Variants in PDZD7 observed in about 807,000 individuals in gnomAD.
The protein encoded by PDZD7 is PDZ domain-containing protein 7.
In PDZD7, 72 loss-of-function variants were observed where a neutral mutation model predicts 84.7. The ratio of observed to expected loss-of-function variants is 0.85; its 90% CI spans 0.70 to 1.03. The LOEUF (loss-of-function observed/expected upper bound fraction) is 1.03, where lower values mean the gene tolerates loss of function less well. PDZD7 is among the 50% of genes least tolerant of loss of function. PDZD7 has a pLI of 0.00. For missense variants in PDZD7, 1,490 were observed against 1,412.9 expected, an observed-to-expected ratio of 1.05 and a Z score of -0.87; for synonymous variants, 594 against 580.7, an observed-to-expected ratio of 1.02 and a Z score of -0.33.
chr10:101,024,154 G>T, intron 2 of PDZD7, 86 bp from the exon 3 acceptor site: 1 of 1,601,002 alleles, frequency 6.2e-7, no homozygotes, highest in South Asian at 1.1e-5. Context: ...GCCTGCAAAG[G>T]CTAGGTTGCT....
rs10637176 is a variant in PDZD7 at position 101,011,050 on chromosome 10, C to CTTAT, written c.2006-171_2006-168dup. Reference sequence around the variant, plus strand: ...AGACAGACATGTTCTATTAGAATCGCTTATTTATTTATTTGAGATGGAATC... The same window carrying CTTAT: ...AGACAGACATGTTCTATTAGAATCGCTTATTTATTTATTTATTTGAGATGGAATC... On this transcript the variant is annotated intron_variant, in intron 14 of 16. Transcript: ENST00000619208. The CTTAT allele has an allele frequency of 0.85, 1,155,927 of 1,354,384 alleles. 494,419 individuals carry two copies. Among genetic ancestry groups the CTTAT allele is most frequent in the Non-Finnish European group, 0.88 (909,656 of 1,038,774 alleles). 83.9% of individuals were successfully genotyped at this position (1,354,384 alleles called of 1,614,324 possible). A position where few individuals can be genotyped will look rare whatever the true frequency, so the allele number is the denominator to read the frequency against.
chr10:101,010,840 C>A lies in PDZD7; in HGVS notation c.2049G>T (p.Pro683=). 1 of 1,534,706 alleles carries A rather than the reference C, an allele frequency of 6.5e-7. No individual in the cohort carries two copies. The highest frequency in any genetic ancestry group is 8.7e-7 in the Non-Finnish European group (1 of 1,146,902). ...TCAGCTCCCCATTATCTTCCTCTTC[C>A]GGGAAGCCGTTCACCGGCAGCAGGT... The part of the protein sequence containing the change: ...GFYLLPVNGF[P]EEEDNGELRE... The change falls in exon 15 of 17, where the codon CCG becomes CCT. Residue 683 remains proline (P), a synonymous_variant. Transcript: ENST00000619208.
intron 7 of PDZD7, among the ~76,000 whole-genome samples, chr10:101,020,248 C>T (rs565087807): frequency 3.9e-5 from 6 of 152,120 alleles, no homozygotes; most frequent in Non-Finnish European, 7.3e-5. Context: ...GCTGGGATTA[C>T]AGGCATGGGC....
In PDZD7 at chr10:101,022,279, A is replaced by G. The variant is rs778376822; in HGVS notation, c.649T>C (p.Ser217Pro). The change falls in exon 5 of 17, where the codon TCC becomes CCC. Residue 217 changes from serine to proline, a missense_variant. Ser to Pro is a moderately conservative substitution (Grantham distance 74, BLOSUM62 -1). Transcript: ENST00000619208. ...VRRIVHLYTTSDDFCLGFNIR... is the reference protein window; with the variant it reads ...VRRIVHLYTTPDDFCLGFNIR... ...TTGAAGCCCAGGCAGAAGTCGTCGG[A>G]GGTTGTGTATAGGTGGACGATGCGC... 3.1e-6 allele frequency: 5 copies of G among 1,614,182 alleles called. No homozygotes were observed. The Admixed American group carries it at 6.7e-5, about 22-fold the overall frequency.
At chr10:101,015,052 C>T (rs1365328013) in intron 11 of PDZD7, among the ~76,000 whole-genome samples, 1 of 152,316 alleles carries the variant, frequency 6.6e-6, no homozygotes, top group East Asian at 1.9e-4. Context: ...TCTCTCTCCA[C>T]CCTGGGGCGC....
intron 2 of PDZD7, among the ~76,000 whole-genome samples, chr10:101,028,070 G>A (rs1207946544): frequency 6.6e-6 from 1 of 152,100 alleles, no homozygotes. Flanking sequence ...TAATAACATG[G>A]GGCAGGGTTC....
At chr10:101,027,551 G>A (rs1054248777) in intron 2 of PDZD7, among the ~76,000 whole-genome samples, 3 of 152,036 alleles carry the variant, frequency 2.0e-5, no homozygotes, top group African/African-American at 7.2e-5. Context: ...GAATTCCTTC[G>A]CTTTACCACA....
chr10:101,008,555 C>G lies in PDZD7; in HGVS notation c.3014G>C (p.Arg1005Thr), dbSNP rs1246527490. 6.5e-7 allele frequency: 1 copy of G among 1,535,620 alleles called. No individual in the cohort carries two copies. The highest frequency in any genetic ancestry group is 2.0e-5 in the Admixed American group (1 of 50,954). ...TNPQTPPTDA[R>T]LLQPTPSPAP... The stretch of plus-strand genomic sequence containing the variant: ...TGGGCTGGGAGTTGGCTGGAGGAGC[C>G]TGGCATCAGTGGGAGGAGTCTGGGG... Residue 1005 changes from arginine (R) to threonine (T), a missense_variant, in exon 17 of 17, where the codon AGG becomes ACG. By Grantham distance (71) the Arg-to-Thr change is moderately conservative (BLOSUM62 -1). Transcript: ENST00000619208.
At chr10:101,023,799 T>C in intron 3 of PDZD7, 129 bp downstream of exon 3, 6 of 1,519,892 alleles carry the variant, frequency 3.9e-6, no homozygotes, top group Non-Finnish European at 5.4e-6. Context: ...GTTGGCCCTG[T>C]CTCCCCATCA....
chr10:101,012,465 G>T (rs1311675461), intron 11 of PDZD7, among the ~76,000 whole-genome samples: 1 of 152,214 alleles, frequency 6.6e-6, no homozygotes, highest in Non-Finnish European at 1.5e-5. Context: ...TAACAGACCT[G>T]CAATAAATGG....
rs1189362913 is a variant in PDZD7, at chr10:101,021,779, C to A, written c.867+19G>T. On this transcript the variant is annotated intron_variant, in intron 6 of 16. Transcript: ENST00000619208. ...CCTACTCTAGCCTCACCTCTCCCTA[C>A]CCCCACTGTTCTGCCCACCTTGATG... The A allele has an allele frequency of 2.5e-6, 4 of 1,614,094 alleles. No homozygotes were observed. Among genetic ancestry groups the A allele is most frequent in the Non-Finnish European group, 2.5e-6 (3 of 1,179,944 alleles).
In PDZD7 at chr10:101,022,258, A is replaced by G; in HGVS notation, c.670T>C (p.Phe224Leu). The change falls in exon 5 of 17, where the codon TTC becomes CTC. Residue 224 changes from phenylalanine (F) to leucine (L), a missense_variant. Phe to Leu is a conservative substitution (Grantham distance 22). Coordinates refer to ENST00000619208, the MANE Select transcript of PDZD7 (RefSeq NM_001195263.2). ...AACTCCTTGCCCCCACGGATGTTGA[A>G]GCCCAGGCAGAAGTCGTCGGAGGTT... ...YTTSDDFCLGFNIRGGKEFGL... is the reference protein window; with the variant it reads ...YTTSDDFCLGLNIRGGKEFGL... 4.3e-6 allele frequency: 7 copies of G among 1,614,224 alleles called. No homozygotes were observed. The highest frequency in any genetic ancestry group is 1.1e-5 in the South Asian group (1 of 91,084).
At chr10:101,024,121 G>T in intron 2 of PDZD7, 53 bp from the exon 3 acceptor site, 1 of 1,613,704 alleles carries the variant, frequency 6.2e-7, no homozygotes, top group Non-Finnish European at 8.5e-7. Flanking sequence ...GGCACAGAGG[G>T]CCCCTGGGTT....
Position 101,018,217 on chromosome 10 carries a change from C to T in PDZD7, c.1404G>A (p.Met468Ile). Residue 468 changes from methionine to isoleucine, a missense_variant, in exon 9 of 17, where the codon ATG becomes ATA. By Grantham distance (10) the Met-to-Ile change is conservative. Coordinates refer to ENST00000619208, the MANE Select transcript of PDZD7 (RefSeq NM_001195263.2). Reference sequence around the variant, plus strand: ...GCCGCCCTCCCTTGAAGAAGAGGTTCATCAGCGTCTTGGAGCGCTGCAGGG... The same window carrying T: ...GCCGCCCTCCCTTGAAGAAGAGGTTTATCAGCGTCTTGGAGCGCTGCAGGG... ...KGALQRSKTL[M>I]NLFFKGGRQG... 1.2e-6 allele frequency: 2 copies of T among 1,614,212 alleles called. No individual in the cohort carries two copies. The highest frequency in any genetic ancestry group is 1.7e-6 in the Non-Finnish European group (2 of 1,180,024).
chr10:101,017,889 A>AAGAAAGAG, intron 9 of PDZD7: 1 of 198,892 alleles, frequency 5.0e-6, no homozygotes, highest in Non-Finnish European at 1.0e-5. Context: ...GAAAGAAAGA[A>AAGAAAGAG]AGAAAAGAAA....
chr10:101,009,194 T>A, intron 16 of PDZD7, 56 bp downstream of exon 16: 3 of 1,436,544 alleles, frequency 2.1e-6, no homozygotes, highest in South Asian at 1.2e-5. Flanking sequence ...CAGCCCCACC[T>A]CCTGCCTGGT....
intron 6 of PDZD7, 23 bp from the exon 7 acceptor site, chr10:101,020,701 A>G (rs1853038215): frequency 6.3e-7 from 1 of 1,596,358 alleles, no homozygotes; most frequent in South Asian, 1.1e-5. Flanking sequence ...TGGTGGGCAT[A>G]GGAGGGAAGG....
At position 101,010,291 on chromosome 10, in the gene PDZD7, G is replaced by A. The variant is rs745575428; in HGVS notation, c.2598C>T (p.Ser866=). ...PSGELKTVTL[S]KMKQSLGISI... ...ACTCACCTAAGGACTGCTTCATCTT[G>A]GACAGTGTCACTGTCTTCAGCTCGC... Residue 866 remains serine (S), a synonymous_variant, in exon 15 of 17, where the codon TCC becomes TCT. Coordinates refer to ENST00000619208, the MANE Select transcript of PDZD7 (RefSeq NM_001195263.2). 52 of 1,531,744 alleles carry A rather than the reference G, an allele frequency of 3.4e-5. 1 individual carries two copies. Among genetic ancestry groups the A allele is most frequent in the Middle Eastern group, 3.3e-4 (2 of 5,998 alleles). 94.9% of individuals were successfully genotyped at this position (1,531,744 alleles called of 1,614,324 possible). A position where few individuals can be genotyped will look rare whatever the true frequency, so the allele number is the denominator to read the frequency against.
At chr10:101,024,521 G>T (rs1225035699) in intron 2 of PDZD7, among the ~76,000 whole-genome samples, 4 of 152,164 alleles carry the variant, frequency 2.6e-5, no homozygotes, top group African/African-American at 9.7e-5. Flanking sequence ...GGGATTATAG[G>T]TATGAGCCGC....
Sources: gnomAD v4.1 joint callset for allele counts (sites outside exome capture counted in the v4.1 genomes callset) on GRCh38, gnomAD v4.1.1 for gene constraint, MANE v1.5 for transcripts, NCBI Gene and HGNC (gene_info 2026-07-23, HGNC 2026-07-21) for gene names.